Variants in PJA2 observed in about 807,000 individuals in gnomAD.
The protein encoded by PJA2 is E3 ubiquitin-protein ligase Praja-2.
PJA2 carries 25 observed loss-of-function variants against 69.3 expected under a neutral mutation model. The observed-to-expected ratio is 0.36, with a 90% CI of 0.26 to 0.50. PJA2 has a LOEUF of 0.50. Among genes scored for constraint, PJA2 ranks in the 20% least tolerant of loss-of-function variants. PJA2 has a pLI of 0.96. For missense variants in PJA2, 809 were observed against 830.2 expected (o/e 0.97, Z 0.31); for synonymous variants, 308 against 277.8 (o/e 1.11, Z -1.08).
chr5:109,401,040 C>A (rs1747534101), intron 1 of PJA2, among the ~76,000 whole-genome samples: 1 of 151,898 alleles, frequency 6.6e-6, no homozygotes, highest in African/African-American at 2.4e-5. Flanking sequence ...GCCTGTAATC[C>A]CAGCACTTTG....
At chr5:109,408,724 T>C (rs1449922334) in intron 1 of PJA2, among the ~76,000 whole-genome samples, 1 of 152,264 alleles carries the variant, frequency 6.6e-6, no homozygotes, top group Non-Finnish European at 1.5e-5. Context: ...ATGTCTGCAA[T>C]GAATTTTTAA....
chr5:109,351,864 T>G (rs1456895244), intron 7 of PJA2, among the ~76,000 whole-genome samples: 1 of 152,142 alleles, frequency 6.6e-6, no homozygotes, highest in Non-Finnish European at 1.5e-5. Flanking sequence ...AGTGTTAGTG[T>G]TAAATATAAA....
chr5:109,381,396 G>A (rs1747045012), intron 3 of PJA2, 107 bp downstream of exon 3: 3 of 728,574 alleles, frequency 4.1e-6, no homozygotes, highest in Non-Finnish European at 6.7e-6. Flanking sequence ...TAGGAAGTGT[G>A]CTGCATTTAC....
chr5:109,353,374 A>C (rs1359008179), intron 7 of PJA2, among the ~76,000 whole-genome samples: 1 of 138,780 alleles, frequency 7.2e-6, no homozygotes, highest in Admixed American at 7.5e-5. Context: ...GATACCTATT[A>C]TATCTATAGA....
At chr5:109,371,218 G>A (rs78239083) in intron 4 of PJA2, among the ~76,000 whole-genome samples, 2,626 of 152,150 alleles carry the variant, frequency 0.017, 41 homozygotes, top group Non-Finnish European at 0.025. Flanking sequence ...CAATGCTAAG[G>A]AGACAACTTT....
intron 3 of PJA2, among the ~76,000 whole-genome samples, chr5:109,380,861 C>T (rs1012702286): frequency 4.7e-5 from 7 of 149,614 alleles, no homozygotes; most frequent in Non-Finnish European, 1.0e-4. Flanking sequence ...GTAATCCCAG[C>T]ACTTTGGGAA....
At chr5:109,341,289 G>A (rs1204500186) in intron 9 of PJA2, among the ~76,000 whole-genome samples, 4 of 148,330 alleles carry the variant, frequency 2.7e-5, no homozygotes, top group Middle Eastern at 6.8e-3. Context: ...CCTCTGCCCC[G>A]CCGCCCCATC....
intron 4 of PJA2, among the ~76,000 whole-genome samples, chr5:109,374,566 C>A (rs1268780931): frequency 6.6e-6 from 1 of 152,170 alleles, no homozygotes. Flanking sequence ...AACAGGGCAC[C>A]TGGAACAAAG....
intron 7 of PJA2, among the ~76,000 whole-genome samples, chr5:109,347,884 T>C (rs1175361796): frequency 6.6e-6 from 1 of 152,236 alleles, no homozygotes; most frequent in African/African-American, 2.4e-5. Context: ...AAATTTTCCC[T>C]GTTCAAATTA....
chr5:109,375,086 A>G (rs1211418187), intron 4 of PJA2, among the ~76,000 whole-genome samples: 2 of 152,220 alleles, frequency 1.3e-5, no homozygotes, highest in Non-Finnish European at 2.9e-5. Context: ...AGAGTGTAAC[A>G]TTTCAGATGT....
chr5:109,395,741 G>A (rs574555069), intron 1 of PJA2, among the ~76,000 whole-genome samples: 2 of 152,258 alleles, frequency 1.3e-5, no homozygotes, highest in Non-Finnish European at 2.9e-5. Context: ...GCTCATGCCT[G>A]TAATCCCAGC....
At chr5:109,401,586 G>A (rs1747551935) in intron 1 of PJA2, among the ~76,000 whole-genome samples, 1 of 152,158 alleles carries the variant, frequency 6.6e-6, no homozygotes, top group African/African-American at 2.4e-5. Flanking sequence ...CAAGTCAAAA[G>A]ATAATAAATA....
intron 7 of PJA2, among the ~76,000 whole-genome samples, chr5:109,348,634 T>C (rs1201275155): frequency 1.3e-5 from 2 of 152,126 alleles, no homozygotes; most frequent in Non-Finnish European, 1.5e-5. Flanking sequence ...TCTTACTGCT[T>C]TCATGCCCAA....
At chr5:109,370,163 A>G (rs1230036357) in intron 4 of PJA2, among the ~76,000 whole-genome samples, 1 of 152,124 alleles carries the variant, frequency 6.6e-6, no homozygotes, top group African/African-American at 2.4e-5. Flanking sequence ...CTAAAATATT[A>G]CTTATCAATG....
intron 7 of PJA2, among the ~76,000 whole-genome samples, chr5:109,347,457 C>G (rs1341357136): frequency 3.3e-5 from 5 of 152,226 alleles, no homozygotes; most frequent in Non-Finnish European, 5.9e-5. Flanking sequence ...TTCTCCAGTG[C>G]CTGGCTCTTG....
At position 109,404,451 on chromosome 5, in the gene PJA2, G is replaced by A. The variant is rs13187721; in HGVS notation, c.-88+5391C>T. Among the ~76,000 whole-genome samples, 4 of 151,886 alleles carry A rather than the reference G, an allele frequency of 2.6e-5. No homozygotes were observed. The East Asian group carries it at 7.8e-4, about 30-fold the overall frequency. Reference sequence around the variant, plus strand: ...CAGAATTGCTTGAGCCTGGGAGACCGAGGTTGCAGCGAGCTGAGACTGCCA... The same window carrying A: ...CAGAATTGCTTGAGCCTGGGAGACCAAGGTTGCAGCGAGCTGAGACTGCCA... On this transcript the variant is annotated intron_variant, in intron 1 of 9. Coordinates refer to ENST00000361189, the MANE Select transcript of PJA2 (RefSeq NM_014819.5).
In PJA2 at chr5:109,337,024, T is replaced by G. The variant is rs577154173; in HGVS notation, c.*207A>C. 216 of 305,846 alleles carry G rather than the reference T, an allele frequency of 7.1e-4. No homozygotes were observed. Among genetic ancestry groups the G allele is most frequent in the African/African-American group, 4.4e-3 (198 of 45,428 alleles). The allele number at this position is 305,846 out of a possible 1,614,324, so 18.9% of individuals were successfully genotyped here. On this transcript the variant is annotated 3_prime_UTR_variant, in exon 10 of 10. Coordinates refer to ENST00000361189, the MANE Select transcript of PJA2 (RefSeq NM_014819.5). Reference sequence around the variant, plus strand: ...AACATATTCAACTAAAGAAAATGGATGCACTGTCTCAACATTCAGCTTAAA... The same window carrying G: ...AACATATTCAACTAAAGAAAATGGAGGCACTGTCTCAACATTCAGCTTAAA...
At chr5:109,385,669 A>C (rs1378829717) in intron 1 of PJA2, among the ~76,000 whole-genome samples, 1 of 152,194 alleles carries the variant, frequency 6.6e-6, no homozygotes, top group Non-Finnish European at 1.5e-5. Flanking sequence ...CTTGGATGAG[A>C]TCTCTAGGTG....
intron 1 of PJA2, among the ~76,000 whole-genome samples, chr5:109,401,683 T>C (rs916319164): frequency 2.6e-5 from 4 of 152,182 alleles, no homozygotes; most frequent in Admixed American, 6.5e-5. Context: ...AAAGTATTTG[T>C]GAAACAATCT....
Sources: allele counts gnomAD v4.1 joint callset (sites outside exome capture counted in the v4.1 genomes callset), GRCh38; gene constraint gnomAD v4.1.1; transcripts MANE v1.5; gene names NCBI Gene and HGNC (gene_info 2026-07-23, HGNC 2026-07-21).